Variants in NLGN4Y observed in about 807,000 individuals in gnomAD.
NLGN4Y encodes the protein neuroligin-4, Y-linked.
A neutral mutation model predicts 8.4 loss-of-function variants in NLGN4Y; 4 were observed. The ratio of observed to expected loss-of-function variants is 0.48; its 90% CI spans 0.23 to 1.09. NLGN4Y has a LOEUF of 1.09. NLGN4Y is among the 50% of genes least tolerant of loss of function. The pLI, the probability that NLGN4Y is intolerant of heterozygous loss-of-function variation, is 0.19. For missense variants in NLGN4Y, 90 were observed against 192.3 expected (o/e 0.47, Z 3.15); for synonymous variants, 35 against 75.6 (o/e 0.46, Z 2.78).
chrY:14,729,936 T>C (rs752879065), intron 4 of NLGN4Y, among the ~76,000 whole-genome samples: 1 of 33,752 alleles, frequency 3.0e-5, no homozygotes, highest in South Asian at 6.6e-4. Flanking sequence ...GCATGCCACT[T>C]GCAGGGCCCT....
intron 2 of NLGN4Y, among the ~76,000 whole-genome samples, chrY:14,657,734 A>G (rs925081876): frequency 1.2e-4 from 4 of 33,446 alleles, no homozygotes; most frequent in Admixed American, 1.1e-3. Flanking sequence ...AGGGCAGAGT[A>G]TCTACAGAAA....
rs762491777 is a variant in NLGN4Y, at chrY:14,688,610, T to C, written c.473-30849T>C. 4.5e-4 allele frequency among the ~76,000 whole-genome samples: 14 copies of C among 31,302 alleles called. No individual in the cohort carries two copies. The East Asian group carries it at 0.012, about 27-fold the overall frequency. The allele number at this position is 31,302 out of a possible 37,273, so 84.0% of individuals were successfully genotyped here. A position where few individuals can be genotyped will look rare whatever the true frequency, so the allele number is the denominator to read the frequency against. ...GTCTGTCTGATTGTGGCAGCTGAGA[T>C]TGAATAGAGGTAGGAAGAGGTGAAA... On this transcript the variant is annotated intron_variant, in intron 2 of 6. Transcript: ENST00000684976.
At chrY:14,554,409 C>T in intron 1 of NLGN4Y, among the ~76,000 whole-genome samples, 2 of 30,927 alleles carry the variant, frequency 6.5e-5, no homozygotes, top group Non-Finnish European at 1.5e-4. Context: ...GATGCAGTTC[C>T]TATGTTATTC....
chrY:14,779,103 T>G, intron 4 of NLGN4Y, among the ~76,000 whole-genome samples: 1 of 32,210 alleles, frequency 3.1e-5, no homozygotes, highest in African/African-American at 1.2e-4. Context: ...TTTGTACAGA[T>G]GAGGTCTCAC....
chrY:14,844,033 C>A lies in NLGN4Y; in HGVS notation c.*2771C>A. 8.5e-6 allele frequency: 1 copy of A among 117,183 alleles called. No individual in the cohort carries two copies. Among genetic ancestry groups the A allele is most frequent in the Non-Finnish European group, 1.8e-5 (1 of 55,218 alleles). The allele number at this position is 117,183 out of a possible 400,897, so 29.2% of individuals were successfully genotyped here. ...ATTTACTTTTGCCATTCTTTGAATG[C>A]CTTTTTCTTTGTAAATGCTACATGG... is the stretch of plus-strand genomic sequence containing the variant. On this transcript the variant is annotated 3_prime_UTR_variant, in exon 7 of 7. Coordinates refer to ENST00000684976, the MANE Select transcript of NLGN4Y (RefSeq NM_001365588.1).
intron 4 of NLGN4Y, among the ~76,000 whole-genome samples, chrY:14,762,980 A>C (rs908584619): frequency 5.9e-5 from 2 of 33,628 alleles, no homozygotes; most frequent in African/African-American, 2.3e-4. Flanking sequence ...GGAACAATAA[A>C]ATTTCTATAT....
At chrY:14,688,223 A>G in intron 2 of NLGN4Y, among the ~76,000 whole-genome samples, 1 of 33,453 alleles carries the variant, frequency 3.0e-5, no homozygotes, top group Non-Finnish European at 7.4e-5. Flanking sequence ...CATGTATGAC[A>G]AAGTCTGAAG....
At chrY:14,675,933 C>T (rs775441072) in intron 2 of NLGN4Y, among the ~76,000 whole-genome samples, 9 of 33,438 alleles carry the variant, frequency 2.7e-4, no homozygotes, top group Admixed American at 1.6e-3. Context: ...TCTAGGGACA[C>T]ATTCACACCA....
At chrY:14,544,246 C>G (rs766853678) in intron 1 of NLGN4Y, among the ~76,000 whole-genome samples, 1 of 33,281 alleles carries the variant, frequency 3.0e-5, no homozygotes, top group Admixed American at 2.8e-4. Context: ...CATTATTTCT[C>G]TCCCCATGGC....
At chrY:14,537,459 T>C (rs762935180) in intron 1 of NLGN4Y, among the ~76,000 whole-genome samples, 3 of 34,158 alleles carry the variant, frequency 8.8e-5, no homozygotes, top group African/African-American at 3.4e-4. Flanking sequence ...TTGATATTTC[T>C]TCTAATGTTG....
intron 2 of NLGN4Y, among the ~76,000 whole-genome samples, chrY:14,630,798 G>A (rs2080545710): frequency 3.0e-5 from 1 of 32,933 alleles, no homozygotes; most frequent in African/African-American, 1.2e-4. Flanking sequence ...CAATACAGAT[G>A]ACTCTTTTAG....
At chrY:14,812,138 C>T (rs777740875) in intron 4 of NLGN4Y, among the ~76,000 whole-genome samples, 1 of 33,088 alleles carries the variant, frequency 3.0e-5, no homozygotes, top group African/African-American at 1.2e-4. Flanking sequence ...GGGGAACTGT[C>T]CTTCATAAAA....
chrY:14,555,803 T>A, intron 1 of NLGN4Y, among the ~76,000 whole-genome samples: 1 of 33,403 alleles, frequency 3.0e-5, no homozygotes, highest in South Asian at 6.8e-4. Flanking sequence ...ATCTTGACTA[T>A]CTTGATGTAG....
intron 1 of NLGN4Y, among the ~76,000 whole-genome samples, chrY:14,621,183 T>C (rs2080506300): frequency 3.1e-5 from 1 of 32,284 alleles, no homozygotes; most frequent in Non-Finnish European, 7.5e-5. Context: ...GTGTCCAAAG[T>C]CTACACTCTT....
intron 1 of NLGN4Y, among the ~76,000 whole-genome samples, chrY:14,561,307 A>G: frequency 3.1e-5 from 1 of 32,299 alleles, no homozygotes; most frequent in South Asian, 7.1e-4. Flanking sequence ...TTCAGCTCCC[A>G]CTAATGAGTA....
chrY:14,765,523 A>G, intron 4 of NLGN4Y, among the ~76,000 whole-genome samples: 1 of 33,591 alleles, frequency 3.0e-5, no homozygotes, highest in Non-Finnish European at 7.4e-5. Context: ...CAGGTATAAG[A>G]TGCCATAAAG....
intron 2 of NLGN4Y, among the ~76,000 whole-genome samples, chrY:14,647,096 G>A (rs2080613331): frequency 2.9e-5 from 1 of 33,911 alleles, no homozygotes; most frequent in Admixed American, 2.7e-4. Context: ...AGGGATGATT[G>A]GCCTCTACAT....
chrY:14,706,964 T>C (rs2080881562), intron 2 of NLGN4Y, among the ~76,000 whole-genome samples: 1 of 22,373 alleles, frequency 4.5e-5, no homozygotes, highest in Non-Finnish European at 1.0e-4. Context: ...CACACATATG[T>C]GTATATATAT....
intron 1 of NLGN4Y, among the ~76,000 whole-genome samples, chrY:14,543,177 T>C (rs2080156964): frequency 8.9e-5 from 3 of 33,656 alleles, no homozygotes; most frequent in African/African-American, 3.5e-4. Context: ...TAGGAACCAT[T>C]TTATTTTATT....
Sources: gnomAD v4.1 joint callset for allele counts (sites outside exome capture counted in the v4.1 genomes callset) on GRCh38, gnomAD v4.1.1 for gene constraint, MANE v1.5 for transcripts, NCBI Gene and HGNC (gene_info 2026-07-23, HGNC 2026-07-21) for gene names.